SYNGR4: variants seen among roughly 807,000 people sequenced by gnomAD.
The protein encoded by SYNGR4 is synaptogyrin-4.
SYNGR4 carries 15 observed loss-of-function variants against 15.5 expected under a neutral mutation model. That is an observed-to-expected ratio of 0.97 (90% CI 0.65 to 1.49). The LOEUF (loss-of-function observed/expected upper bound fraction) is 1.49, where lower values mean the gene tolerates loss of function less well. Ranked by LOEUF, SYNGR4 falls within the 40% of genes most tolerant of loss-of-function variation. SYNGR4 has a pLI of 0.00. For synonymous variants in SYNGR4, 121 were observed against 127.4 expected (o/e 0.95, Z 0.34); for missense variants, 292 against 299.3 (o/e 0.98, Z 0.18).
At chr19:48,374,633 G>A (rs543514831) in intron 3 of SYNGR4, among the ~76,000 whole-genome samples, 53 of 152,246 alleles carry the variant, frequency 3.5e-4, no homozygotes, top group African/African-American at 9.1e-4. Flanking sequence ...CTGTCCCTGC[G>A]CCTTCTCATG....
At chr19:48,367,199 G>A (rs1434191892) in intron 2 of SYNGR4, among the ~76,000 whole-genome samples, 3 of 151,694 alleles carry the variant, frequency 2.0e-5, no homozygotes, top group South Asian at 2.1e-4. Context: ...TTGGGAGGCC[G>A]AGGCGGGCGG....
In SYNGR4 at chr19:48,376,192, C is replaced by G; in HGVS notation, c.579C>G (p.Pro193=). 6.2e-7 allele frequency: 1 copy of G among 1,614,178 alleles called. No homozygotes were observed. Among genetic ancestry groups the G allele is most frequent in the Middle Eastern group, 1.6e-4 (1 of 6,062 alleles). Residue 193 remains proline (P), a synonymous_variant, in exon 5 of 5, where the codon CCC becomes CCG. Transcript: ENST00000344846. ...GGMVLTTLPL[P]SANSPVNMPT... is the part of the protein sequence containing the mutation. ...TGGTGCTGACCACCCTCCCCTTGCC[C>G]TCTGCCAACAGCCCTGTGAACATGC...
chr19:48,364,912 G>A (rs1970165904), intron 1 of SYNGR4, among the ~76,000 whole-genome samples: 1 of 151,718 alleles, frequency 6.6e-6, no homozygotes, highest in Non-Finnish European at 1.5e-5. Flanking sequence ...AAATATCCCA[G>A]CCCTCCCCTG....
In SYNGR4 at chr19:48,365,920, G is replaced by T. The variant is rs756599847; in HGVS notation, c.78G>T (p.Thr26=). 4 of 1,613,702 alleles carry T rather than the reference G, an allele frequency of 2.5e-6. No individual in the cohort carries two copies. The highest frequency in any genetic ancestry group is 4.5e-5 in the East Asian group (2 of 44,876). The part of the protein sequence containing the change: ...VQFLRRPKTI[T]RVFEGVFSLI... ...TTCTGAGAAGGCCCAAGACCATCAC[G>T]CGGGTCTTCGAAGGGGTGAGGCCCT... Residue 26 remains threonine (T), a synonymous_variant, in exon 2 of 5, where the codon ACG becomes ACT. Coordinates refer to ENST00000344846, the MANE Select transcript of SYNGR4 (RefSeq NM_012451.4).
intron 2 of SYNGR4, among the ~76,000 whole-genome samples, chr19:48,371,191 A>AT (rs1338414421): frequency 5.3e-5 from 8 of 152,034 alleles, no homozygotes; most frequent in African/African-American, 1.9e-4. Context: ...GCTTTTCCAC[A>AT]TGCCATCCAC....
chr19:48,365,545 C>T (rs1240813704), intron 1 of SYNGR4, among the ~76,000 whole-genome samples, 191 bp from the exon 2 acceptor site: 1 of 149,736 alleles, frequency 6.7e-6, no homozygotes, highest in South Asian at 2.1e-4. Flanking sequence ...ACGTCCCCGA[C>T]TTCTGGGGCC....
chr19:48,374,562 C>T (rs1050815430), intron 3 of SYNGR4, among the ~76,000 whole-genome samples: 3 of 152,234 alleles, frequency 2.0e-5, no homozygotes, highest in African/African-American at 7.2e-5. Flanking sequence ...GCCAAGGGAG[C>T]CTTAGAAGGT....
At chr19:48,369,420 T>G (rs987436002) in intron 2 of SYNGR4, among the ~76,000 whole-genome samples, 4 of 152,142 alleles carry the variant, frequency 2.6e-5, no homozygotes, top group African/African-American at 9.7e-5. Flanking sequence ...GGCCTAGATG[T>G]CAGGAGGGCT....
rs1348757788 is a variant in SYNGR4, at chr19:48,373,794, C to T, written c.331+40C>T. ...CCCCCAACCCAGAGCTGCCCCTCCT[C>T]CCGCTCACAGCCCTCCTGGCTCCCC... On this transcript the variant is annotated intron_variant, in intron 3 of 4. Coordinates refer to ENST00000344846, the MANE Select transcript of SYNGR4 (RefSeq NM_012451.4). 8 of 1,598,272 alleles carry T rather than the reference C, an allele frequency of 5.0e-6. No individual in the cohort carries two copies. In the African/African-American group the frequency reaches 5.4e-5, roughly 11 times the overall value.
intron 2 of SYNGR4, 147 bp from the exon 3 acceptor site, chr19:48,373,370 G>C (rs1970340791): frequency 1.4e-6 from 1 of 704,056 alleles, no homozygotes; most frequent in African/African-American, 1.8e-5. Flanking sequence ...AGGAAGCTGA[G>C]GGCTCTGACA....
rs181866537 is a variant in SYNGR4, at chr19:48,369,710, T to C, written c.93+3775T>C. Among the ~76,000 whole-genome samples, 592 of 152,328 alleles carry C rather than the reference T, an allele frequency of 3.9e-3. 4 individuals are homozygous for C. Among genetic ancestry groups the C allele is most frequent in the Non-Finnish European group, 5.3e-3 (362 of 68,026 alleles). On this transcript the variant is annotated intron_variant, in intron 2 of 4. Transcript: ENST00000344846. ...CACCTGTGAAACAGAAATGAATTAATAATCTCCACCACGTGGGGCCGGTGT... is the reference window on the plus strand; with the variant it reads ...CACCTGTGAAACAGAAATGAATTAACAATCTCCACCACGTGGGGCCGGTGT...
chr19:48,367,738 C>G (rs962364524), intron 2 of SYNGR4, among the ~76,000 whole-genome samples: 2 of 152,184 alleles, frequency 1.3e-5, no homozygotes, highest in African/African-American at 4.8e-5. Flanking sequence ...CCTGAAGAAT[C>G]TGGACACCTG....
rs1970206028 is a variant in SYNGR4, at chr19:48,365,769, A to G, written c.-74A>G. 1 of 1,497,428 alleles carries G rather than the reference A, an allele frequency of 6.7e-7. No individual in the cohort carries two copies. 92.8% of individuals were successfully genotyped at this position (1,497,428 alleles called of 1,614,324 possible). A position where few individuals can be genotyped will look rare whatever the true frequency, so the allele number is the denominator to read the frequency against. ...CCCAGGGCTGGCCTGAAGCCCCCGG[A>G]CGGCAGTGCCCAGCAGGCAGCGCCC... On this transcript the variant is annotated 5_prime_UTR_variant, in exon 2 of 5. Transcript: ENST00000344846.
chr19:48,367,526 AG>A (rs1408099004), intron 2 of SYNGR4, among the ~76,000 whole-genome samples: 1 of 152,094 alleles, frequency 6.6e-6, no homozygotes, highest in Admixed American at 6.6e-5. Flanking sequence ...AGTAACAGGC[AG>A]GGGCAGGATT....
intron 2 of SYNGR4, among the ~76,000 whole-genome samples, chr19:48,371,073 G>A (rs375921692): frequency 1.1e-4 from 16 of 152,202 alleles, no homozygotes; most frequent in South Asian, 6.2e-4. Context: ...CTGGTGTTCC[G>A]GGCCTCTTAG....
rs866839563 is a variant in SYNGR4 at position 48,376,130 on chromosome 19, C to G, written c.517C>G (p.Pro173Ala). ...LAFQDLRNDA[P>A]VPYKRFLDEG... ...ATTCCAGGACCTCCGAAATGATGCTCCAGTCCCTTACAAGCGCTTCCTGGA... is the reference window on the plus strand; with the variant it reads ...ATTCCAGGACCTCCGAAATGATGCTGCAGTCCCTTACAAGCGCTTCCTGGA... Residue 173 changes from proline to alanine, a missense_variant, in exon 5 of 5, where the codon CCA (proline) becomes GCA (alanine). By Grantham distance (27) the Pro-to-Ala change is conservative. Transcript: ENST00000344846. 6.2e-7 allele frequency: 1 copy of G among 1,614,088 alleles called. No homozygotes were observed. The highest frequency in any genetic ancestry group is 1.7e-5 in the Admixed American group (1 of 59,998).
intron 3 of SYNGR4, among the ~76,000 whole-genome samples, chr19:48,375,041 T>TA: frequency 6.6e-6 from 1 of 151,028 alleles, no homozygotes; most frequent in African/African-American, 2.4e-5. Context: ...TTTTTTTTTT[T>TA]TTGAGACAGA....
At position 48,376,300 on chromosome 19, in the gene SYNGR4, T is replaced by C. The variant is rs1970403645; in HGVS notation, c.687T>C (p.Ala229=). The C allele has an allele frequency of 6.2e-7, 1 of 1,612,808 alleles. No individual in the cohort carries two copies. The highest frequency in any genetic ancestry group is 1.3e-5 in the African/African-American group (1 of 74,840). The change falls in exon 5 of 5, where the codon GCT becomes GCC. Residue 229 remains alanine, a synonymous_variant. Transcript: ENST00000344846. ...CLTAPKSPRL[A]MMPDN Reference sequence around the variant, plus strand: ...CCGCTCCAAAGTCCCCCCGGCTTGCTATGATGCCTGACAACTAAATATCCT... The same window carrying C: ...CCGCTCCAAAGTCCCCCCGGCTTGCCATGATGCCTGACAACTAAATATCCT...
chr19:48,367,234 C>T (rs1970236716), intron 2 of SYNGR4, among the ~76,000 whole-genome samples: 3 of 151,842 alleles, frequency 2.0e-5, no homozygotes. Flanking sequence ...AGATCGAGAC[C>T]ATCCTGGCTA....
Sources: gnomAD v4.1 joint callset for allele counts (sites outside exome capture counted in the v4.1 genomes callset) on GRCh38, gnomAD v4.1.1 for gene constraint, MANE v1.5 for transcripts, NCBI Gene and HGNC (gene_info 2026-07-23, HGNC 2026-07-21) for gene names.